The following RNF213 variants were observed in gnomAD, a reference collection of about 807,000 sequenced individuals.
RNF213 encodes E3 ubiquitin-protein ligase RNF213.
Under a neutral mutation model 514.4 loss-of-function variants are expected in RNF213, and 341 were observed. The ratio of observed to expected loss-of-function variants is 0.66; its 90% confidence interval spans 0.61 to 0.73. The LOEUF is 0.73. Among genes scored for constraint, RNF213 ranks in the 30% least tolerant of loss-of-function variants. The pLI is 0.00. For synonymous variants in RNF213, 2,655 were observed against 2,658.2 expected, an observed-to-expected ratio of 1.00 and a Z score of 0.04; for missense variants, 5,767 against 6,615.6, an observed-to-expected ratio of 0.87 and a Z score of 4.45.
At chr17:80,338,232 AC>A (rs2078045791) in intron 25 of RNF213, among the ~76,000 whole-genome samples, 1 of 152,036 alleles carries the variant, frequency 6.6e-6, no homozygotes, top group Non-Finnish European at 1.5e-5. Flanking sequence ...GTCCCTCCTT[AC>A]GATCCGTAGG....
At chr17:80,311,933 C>T (rs147669526) in intron 14 of RNF213, among the ~76,000 whole-genome samples, 16 of 152,266 alleles carry the variant, frequency 1.1e-4, no homozygotes, top group Non-Finnish European at 1.8e-4. Context: ...TCGAGACCAG[C>T]CTGGCCAACA....
chr17:80,323,885 A>G (rs565239562), intron 17 of RNF213, among the ~76,000 whole-genome samples: 2 of 150,696 alleles, frequency 1.3e-5, no homozygotes, highest in South Asian at 4.2e-4. Context: ...CTGTTTCCAG[A>G]TTGTTCCTTG....
chr17:80,343,221 G>C lies in RNF213; in HGVS notation c.6079G>C (p.Asp2027His), dbSNP rs549250924. 6.2e-7 allele frequency: 1 copy of C among 1,613,992 alleles called. No individual in the cohort carries two copies. Residue 2027 changes from aspartate to histidine, a missense_variant, in exon 27 of 68, where the codon GAC becomes CAC. By Grantham distance (81) the Asp-to-His change is moderately conservative. Coordinates refer to ENST00000582970, the MANE Select transcript of RNF213 (RefSeq NM_001256071.3). This position sits in a 1 kb window ranked among gnomAD's most constrained non-coding sequence, Gnocchi z 4.3. ...GCCTCTGAAAACAATTCGACTGATC[G>C]ACCCTCAGGTGGATGAGAGCCGAGT... The part of the protein sequence containing the change: ...NVPLKTIRLI[D>H]PQVDESRVLG...
At chr17:80,351,569 A>G (rs2078516233) in intron 31 of RNF213, 116 bp from the exon 32 acceptor site, 1 of 669,596 alleles carries the variant, frequency 1.5e-6, no homozygotes, top group Admixed American at 2.4e-5. Flanking sequence ...GTGAGACCGA[A>G]CCAACAGCTC....
chr17:80,349,648 C>T (rs565598066), intron 29 of RNF213, 122 bp from the exon 30 acceptor site: 4 of 1,104,694 alleles, frequency 3.6e-6, no homozygotes, highest in Admixed American at 1.7e-5. Context: ...GATTCTGTGC[C>T]GTTGTGTGGC....
intron 64 of RNF213, 77 bp downstream of exon 64, chr17:80,388,766 C>T (rs1286314287): frequency 8.9e-7 from 1 of 1,123,844 alleles, no homozygotes; most frequent in Admixed American, 1.7e-5. Flanking sequence ...TAGGCCTACT[C>T]CAGCCTTGCC....
At chr17:80,331,638 C>G (rs554463255) in intron 20 of RNF213, among the ~76,000 whole-genome samples, 1 of 152,202 alleles carries the variant, frequency 6.6e-6, no homozygotes, top group Non-Finnish European at 1.5e-5. Context: ...ATCCGCCCAT[C>G]TCAGCGTCCC....
At chr17:80,319,121 T>C in intron 16 of RNF213, 69 bp from the exon 17 acceptor site, 1 of 1,613,162 alleles carries the variant, frequency 6.2e-7, no homozygotes, top group Non-Finnish European at 8.5e-7. Context: ...ATGAAAGAAT[T>C]TTCATCCCAT....
chr17:80,360,184 T>C lies in RNF213; in HGVS notation c.11178T>C (p.Ala3726=). ...ATCTGGAGGAGCTGTGGGTCCAGGC[T>C]CAGTACATCACAGACGCAGAAGGTG... ...KDYLEELWVQ[A]QYITDAEGLP... The change falls in exon 38 of 68, where the codon GCT becomes GCC. Residue 3726 remains alanine, a synonymous_variant. Transcript: ENST00000582970. The C allele has an allele frequency of 6.2e-7, 1 of 1,613,702 alleles. No homozygotes were observed. The highest frequency in any genetic ancestry group is 1.1e-5 in the South Asian group (1 of 90,938).
chr17:80,389,724 A>G (rs139077549), intron 65 of RNF213, 104 bp from the exon 66 acceptor site: 6 of 956,482 alleles, frequency 6.3e-6, no homozygotes, highest in African/African-American at 3.2e-5. Flanking sequence ...GGGCAGAACG[A>G]AGAGAAGAAT....
At chr17:80,308,404 T>G (rs1189128224) in intron 13 of RNF213, among the ~76,000 whole-genome samples, 8 of 152,002 alleles carry the variant, frequency 5.3e-5, no homozygotes, top group Admixed American at 5.2e-4. Flanking sequence ...AAGTCTCTCC[T>G]GAGTCCCCTC....
chr17:80,328,559 G>T, intron 20 of RNF213, 82 bp downstream of exon 20: 1 of 1,379,782 alleles, frequency 7.2e-7, no homozygotes, highest in Non-Finnish European at 9.6e-7. Flanking sequence ...CACAGTAGCA[G>T]ATCTTTATTT....
At position 80,343,760 on chromosome 17, in the gene RNF213, T is replaced by C; in HGVS notation, c.6184-97T>C. ...GAAATGTTGATGTTGATCATCAGGA[T>C]CATCGTGACAAAGAGCAAAATAAGG... On this transcript the variant is annotated intron_variant, in intron 27 of 67. Coordinates refer to ENST00000582970, the MANE Select transcript of RNF213 (RefSeq NM_001256071.3). This position sits in a 1 kb window ranked among gnomAD's most constrained non-coding sequence, Gnocchi z 4.3. 1 of 1,246,312 alleles carries C rather than the reference T, an allele frequency of 8.0e-7. No individual in the cohort carries two copies. Among genetic ancestry groups the C allele is most frequent in the Non-Finnish European group, 1.2e-6 (1 of 846,834 alleles). The allele number at this position is 1,246,312 out of a possible 1,614,324, so 77.2% of individuals were successfully genotyped here. A position where few individuals can be genotyped will look rare whatever the true frequency, so the allele number is the denominator to read the frequency against.
rs766449113 is a variant in RNF213 at position 80,372,715 on chromosome 17, G to A, written c.12732G>A (p.Ser4244=). 1.1e-5 allele frequency: 17 copies of A among 1,613,330 alleles called. No homozygotes were observed. Among genetic ancestry groups the A allele is most frequent in the African/African-American group, 1.3e-5 (1 of 74,894 alleles). Residue 4244 remains serine, a synonymous_variant, in exon 48 of 68, where the codon TCG becomes TCA. Coordinates refer to ENST00000582970, the MANE Select transcript of RNF213 (RefSeq NM_001256071.3). ...TCGACAGAGCTGCAGATTTCCTCTC[G>A]GAGCCTGAGGGAGGCCCAGGCAAGT... ...LCLDRAADFL[S]EPEGGPEMAK...
Position 80,296,084 on chromosome 17 carries a change from A to G in RNF213, c.2012+271A>G, listed in dbSNP as rs113073385. On this transcript the variant is annotated intron_variant, in intron 10 of 67. Coordinates refer to ENST00000582970, the MANE Select transcript of RNF213 (RefSeq NM_001256071.3). ...GCCCAGGCTGGAGTACAGTGGCGCA[A>G]TCTTGGCTCACTGCAGCCTCCACCT... Among the ~76,000 whole-genome samples, 269 of 152,220 alleles carry G rather than the reference A, an allele frequency of 1.8e-3. 1 individual carries two copies. Among genetic ancestry groups the G allele is most frequent in the African/African-American group, 6.2e-3 (258 of 41,520 alleles).
At chr17:80,276,181 A>G (rs1460524913) in intron 3 of RNF213, among the ~76,000 whole-genome samples, 2 of 151,154 alleles carry the variant, frequency 1.3e-5, no homozygotes, top group African/African-American at 4.9e-5. Flanking sequence ...GCTCACAGCA[A>G]CCTCCACCTC....
At chr17:80,325,818 C>T (rs1274522164) in intron 18 of RNF213, among the ~76,000 whole-genome samples, 2 of 151,990 alleles carry the variant, frequency 1.3e-5, no homozygotes, top group Admixed American at 6.6e-5. Context: ...TGTGGAACAG[C>T]CAAAATCAAT....
rs1416519988 is a variant in RNF213 at position 80,372,557 on chromosome 17, AATG to A, written c.12579_12581del (p.Asp4193del). The A allele has an allele frequency of 1.2e-6, 2 of 1,613,980 alleles. No homozygotes were observed. The highest frequency in any genetic ancestry group is 1.7e-5 in the Admixed American group (1 of 60,006). Reference sequence around the variant, plus strand: ...TGAGAAGACCAGTGCTTACTCCAGAAATGATGAACTGAACCACCTAGAAGAGGA... The same window carrying A: ...TGAGAAGACCAGTGCTTACTCCAGAAATGAACTGAACCACCTAGAAGAGGA... On this transcript the variant is annotated inframe_deletion, in exon 48 of 68. Coordinates refer to ENST00000582970, the MANE Select transcript of RNF213 (RefSeq NM_001256071.3).
chr17:80,339,882 G>C lies in RNF213; in HGVS notation c.5515G>C (p.Glu1839Gln). 6.5e-7 allele frequency: 1 copy of C among 1,536,960 alleles called. No homozygotes were observed. Among genetic ancestry groups the C allele is most frequent in the Non-Finnish European group, 8.7e-7 (1 of 1,146,898 alleles). Residue 1839 changes from glutamate to glutamine, a missense_variant, in exon 26 of 68, where the codon GAG (glutamate) becomes CAG (glutamine). By Grantham distance (29) the Glu-to-Gln change is conservative. Transcript: ENST00000582970. ...CAACCTCGTCGTCTGTGGCCACTCC[G>C]AGGTGTTGCCAGCCGCCCTGGCTGT... ...QPNLVVCGHS[E>Q]VLPAALAVYM...
Sources: allele counts gnomAD v4.1 joint callset (sites outside exome capture counted in the v4.1 genomes callset), GRCh38; gene constraint gnomAD v4.1.1; non-coding constraint Gnocchi (gnomAD v3.1); transcripts MANE v1.5; gene names NCBI Gene and HGNC (gene_info 2026-07-23, HGNC 2026-07-21).